Variants in HDC observed in about 807,000 individuals in gnomAD.
HDC encodes histidine decarboxylase.
A neutral mutation model predicts 64.4 loss-of-function variants in HDC; 27 were observed. That is an observed-to-expected ratio of 0.42 (90% CI 0.31 to 0.58). The LOEUF is 0.58. Ranked by LOEUF, HDC falls within the 20% of genes least tolerant of loss-of-function variation. The probability of loss-of-function intolerance (pLI) is 0.16; values close to 1 mark genes in which losing one functional copy is unlikely to be tolerated. For missense variants in HDC, 711 were observed against 833.9 expected (o/e 0.85, Z 1.81); for synonymous variants, 305 against 314.2 (o/e 0.97, Z 0.31).
At chr15:50,261,227 C>A (rs890006923) in intron 2 of HDC, among the ~76,000 whole-genome samples, 1 of 152,290 alleles carries the variant, frequency 6.6e-6, no homozygotes, top group East Asian at 1.9e-4. Context: ...CAGAAATGAG[C>A]CTCACCGACC....
In HDC at chr15:50,254,268, G is replaced by T; in HGVS notation, c.582C>A (p.His194Gln). ...TCAAACCAGCCTTTTCCACAGAGGAGTGAGCCTAGAAGGGCCACAGAAACC... is the reference window on the plus strand; with the variant it reads ...TCAAACCAGCCTTTTCCACAGAGGATTGAGCCTAGAAGGGCCACAGAAACC... Reference protein sequence around the residue: ...RLVAYASDQAHSSVEKAGLIS... With the variant: ...RLVAYASDQAQSSVEKAGLIS... Residue 194 changes from histidine to glutamine, a missense_variant, in exon 6 of 12, where the codon CAC (histidine) becomes CAA (glutamine). His to Gln is a conservative substitution (Grantham distance 24, BLOSUM62 0). This residue lies in a region of HDC where 225 missense variants were observed against 276.2 expected (regional missense o/e 0.81). Coordinates refer to ENST00000267845, the MANE Select transcript of HDC (RefSeq NM_002112.4). The T allele has an allele frequency of 1.2e-6, 2 of 1,614,116 alleles. No individual in the cohort carries two copies. Among genetic ancestry groups the T allele is most frequent in the Non-Finnish European group, 1.7e-6 (2 of 1,180,018 alleles).
At chr15:50,252,349 G>T in intron 9 of HDC, 81 bp downstream of exon 9, 1 of 1,027,908 alleles carries the variant, frequency 9.7e-7, no homozygotes. Context: ...GGGAGCCACC[G>T]TACAGATTTT....
At chr15:50,258,823 T>C (rs1370400685) in intron 2 of HDC, among the ~76,000 whole-genome samples, 1 of 152,110 alleles carries the variant, frequency 6.6e-6, no homozygotes. Flanking sequence ...GTATTCACAT[T>C]AGTCCCCAGT....
intron 10 of HDC, among the ~76,000 whole-genome samples, chr15:50,245,327 A>C (rs1276549847): frequency 1.3e-5 from 2 of 152,260 alleles, no homozygotes; most frequent in Non-Finnish European, 2.9e-5. Flanking sequence ...CACAAAGCCA[A>C]AAGTATTTAG....
Position 50,248,841 on chromosome 15 carries a change from G to C in HDC, c.1042-498C>G, listed in dbSNP as rs368330348. Among the ~76,000 whole-genome samples, 10 of 152,256 alleles carry C rather than the reference G, an allele frequency of 6.6e-5. No homozygotes were observed. The South Asian group carries it at 1.0e-3, about 16-fold the overall frequency. On this transcript the variant is annotated intron_variant, in intron 9 of 11. Transcript: ENST00000267845. This position sits in a 1 kb window ranked among gnomAD's most constrained non-coding sequence, Gnocchi z 4.3. ...GCCACTTACTAGCTGTGTGACCTTG[G>C]GTAGTGCCACCTCACTGGCTCATCA...
intron 9 of HDC, among the ~76,000 whole-genome samples, chr15:50,250,826 G>C (rs2045544607): frequency 6.6e-6 from 1 of 152,152 alleles, no homozygotes; most frequent in Non-Finnish European, 1.5e-5. Context: ...TTTACCTCTA[G>C]AGGGTCTTCT....
chr15:50,243,786 T>C (rs566991947), intron 10 of HDC, among the ~76,000 whole-genome samples: 1 of 152,370 alleles, frequency 6.6e-6, no homozygotes, highest in South Asian at 2.1e-4. Context: ...AATGCCCTTT[T>C]CATCCCCTGT....
rs753905477 is a variant in HDC at position 50,242,611 on chromosome 15, C to T, written c.1638G>A (p.Leu546=). The T allele has an allele frequency of 1.2e-6, 2 of 1,614,050 alleles. No individual in the cohort carries two copies. Among genetic ancestry groups the T allele is most frequent in the South Asian group, 1.1e-5 (1 of 91,080 alleles). ...CTGAAAAGCAGTCATCAACTGGGTCCAGCAGGGTTTCAAGATGGAGGCCAT... is the reference window on the plus strand; with the variant it reads ...CTGAAAAGCAGTCATCAACTGGGTCTAGCAGGGTTTCAAGATGGAGGCCAT... The part of the protein sequence containing the change: ...RENGLHLETL[L]DPVDDCFSEE... The change falls in exon 12 of 12, where the codon CTG becomes CTA. Residue 546 remains leucine, a synonymous_variant. Coordinates refer to ENST00000267845, the MANE Select transcript of HDC (RefSeq NM_002112.4).
At chr15:50,252,356 T>C in intron 9 of HDC, 74 bp downstream of exon 9, 2 of 1,128,136 alleles carry the variant, frequency 1.8e-6, no homozygotes, top group South Asian at 1.2e-5. Flanking sequence ...ACCGTACAGA[T>C]TTTGGGGGGT....
chr15:50,262,972 T>C (rs993247585), intron 2 of HDC, among the ~76,000 whole-genome samples: 3 of 152,166 alleles, frequency 2.0e-5, no homozygotes, highest in African/African-American at 7.2e-5. Flanking sequence ...TGCTCTGGAA[T>C]GCAGGTGTTC....
At chr15:50,246,025 G>T (rs576114401) in intron 10 of HDC, among the ~76,000 whole-genome samples, 33 of 152,266 alleles carry the variant, frequency 2.2e-4, no homozygotes, top group African/African-American at 7.7e-4. Flanking sequence ...ACAGAAATAT[G>T]AAATTTAATT....
chr15:50,255,834 C>G (rs1448530642), intron 4 of HDC, among the ~76,000 whole-genome samples: 1 of 152,122 alleles, frequency 6.6e-6, no homozygotes, highest in East Asian at 1.9e-4. Context: ...CACCTTCCAT[C>G]TGTATTGCAA....
chr15:50,252,832 C>A, intron 7 of HDC, 58 bp from the exon 8 acceptor site: 1 of 1,532,900 alleles, frequency 6.5e-7, no homozygotes, highest in Non-Finnish European at 8.9e-7. Flanking sequence ...AAAGATGTCT[C>A]GCACCTGGCC....
At chr15:50,264,960 A>C (rs1432904947) in intron 1 of HDC, among the ~76,000 whole-genome samples, 1 of 152,220 alleles carries the variant, frequency 6.6e-6, no homozygotes, top group African/African-American at 2.4e-5. Flanking sequence ...TGCCTTAGGA[A>C]AGCAATGGAA....
rs28549390 is a variant in HDC, at chr15:50,248,504, G to A, written c.1042-161C>T. On this transcript the variant is annotated intron_variant, in intron 9 of 11. Coordinates refer to ENST00000267845, the MANE Select transcript of HDC (RefSeq NM_002112.4). This position sits in a 1 kb window ranked among gnomAD's most constrained non-coding sequence, Gnocchi z 4.3. Reference sequence around the variant, plus strand: ...TAAGGAGTAAGCCAAGCTCCCCAAGGGTTGCCCCATCGTGTGACCAAATCA... The same window carrying A: ...TAAGGAGTAAGCCAAGCTCCCCAAGAGTTGCCCCATCGTGTGACCAAATCA... Among the ~76,000 whole-genome samples, 211 of 152,188 alleles carry A rather than the reference G, an allele frequency of 1.4e-3. No individual in the cohort carries two copies. Among genetic ancestry groups the A allele is most frequent in the African/African-American group, 4.8e-3 (198 of 41,512 alleles).
chr15:50,254,762 CT>C, intron 4 of HDC, 98 bp from the exon 5 acceptor site: 1 of 1,067,780 alleles, frequency 9.4e-7, no homozygotes, highest in East Asian at 2.5e-5. Flanking sequence ...CTCTCTCTCT[CT>C]CTCTCTCTCT....
At chr15:50,251,853 G>A (rs2045560328) in intron 9 of HDC, among the ~76,000 whole-genome samples, 1 of 151,496 alleles carries the variant, frequency 6.6e-6, no homozygotes, top group Non-Finnish European at 1.5e-5. Flanking sequence ...AAGAAAGAAA[G>A]AAAGAAAGAA....
chr15:50,244,915 G>A (rs900359717), intron 10 of HDC: 3 of 152,182 alleles, frequency 2.0e-5, no homozygotes, highest in African/African-American at 4.8e-5. Context: ...CTACAGACAC[G>A]TGCCCCTGTG....
At chr15:50,253,853 G>A (rs1187170011) in intron 6 of HDC, 187 bp from the exon 7 acceptor site, 32 of 653,324 alleles carry the variant, frequency 4.9e-5, no homozygotes, top group Non-Finnish European at 7.9e-5. Context: ...ACATGTATAC[G>A]TGTGTATTTG....
Sources: gnomAD v4.1 joint callset for allele counts (sites outside exome capture counted in the v4.1 genomes callset) on GRCh38, gnomAD v4.1.1 for gene constraint, gnomAD v4.1.1 regional missense constraint, Gnocchi (gnomAD v3.1) non-coding constraint, MANE v1.5 for transcripts, NCBI Gene and HGNC (gene_info 2026-07-23, HGNC 2026-07-21) for gene names.